Variants in FAM185A observed in about 807,000 individuals in gnomAD.
FAM185A encodes the protein protein FAM185A.
FAM185A carries 21 observed loss-of-function variants against 45.7 expected under a neutral mutation model. That is an observed-to-expected ratio of 0.46 (90% confidence interval 0.33 to 0.66). The LOEUF (loss-of-function observed/expected upper bound fraction) is 0.66. Ranked by LOEUF, FAM185A falls within the 30% of genes least tolerant of loss-of-function variation. The pLI is 0.03. For synonymous variants in FAM185A, 117 were observed against 194.0 expected, an observed-to-expected ratio of 0.60 and a Z score of 3.30; for missense variants, 305 against 485.4, an observed-to-expected ratio of 0.63 and a Z score of 3.49.
chr7:102,763,641 G>A (rs1003094904), intron 4 of FAM185A, among the ~76,000 whole-genome samples: 1 of 152,196 alleles, frequency 6.6e-6, no homozygotes, highest in African/African-American at 2.4e-5. Context: ...CCAGGAAGGA[G>A]TATGATCTTG....
chr7:102,840,605 C>A, the FAM185A span, among the ~76,000 whole-genome samples: 3 of 152,200 alleles, frequency 2.0e-5, no homozygotes, highest in Non-Finnish European at 4.4e-5. Context: ...CCTATGACCT[C>A]TTCCATTTAA....
At chr7:102,804,201 A>G (rs954918349) in intron 7 of FAM185A, among the ~76,000 whole-genome samples, 7 of 152,196 alleles carry the variant, frequency 4.6e-5, no homozygotes, top group African/African-American at 7.2e-5. Flanking sequence ...TTCATATGGA[A>G]CCAAAAAAGA....
chr7:102,813,477 A>G (rs2129444490), downstream of FAM185A: 4 of 1,614,148 alleles, frequency 2.5e-6, no homozygotes, highest in Middle Eastern at 1.6e-4. Context: ...GTGGAGGGTC[A>G]TTAGTGTTGT....
downstream of FAM185A, among the ~76,000 whole-genome samples, chr7:102,809,994 T>A (rs530427547): frequency 3.9e-4 from 59 of 152,256 alleles, no homozygotes; most frequent in African/African-American, 1.3e-3. Context: ...TCTTGCCATG[T>A]GATGTGCCTG....
chr7:102,775,659 T>C (rs963044744), intron 5 of FAM185A, among the ~76,000 whole-genome samples: 3 of 152,190 alleles, frequency 2.0e-5, no homozygotes, highest in African/African-American at 7.2e-5. Flanking sequence ...AAATTGTGTG[T>C]GTTTTTTTTC....
At chr7:102,843,619 A>C in the FAM185A span, among the ~76,000 whole-genome samples, 1 of 152,134 alleles carries the variant, frequency 6.6e-6, no homozygotes, top group South Asian at 2.1e-4. Flanking sequence ...TACGAAAAAT[A>C]CAAAAAATTA....
intron 7 of FAM185A, among the ~76,000 whole-genome samples, chr7:102,807,369 T>G (rs1279995906): frequency 1.3e-5 from 2 of 152,182 alleles, no homozygotes; most frequent in African/African-American, 4.8e-5. Context: ...ATCTTGTCAG[T>G]TATACTCCAG....
At chr7:102,756,771 G>T (rs1178337867) in intron 2 of FAM185A, among the ~76,000 whole-genome samples, 4 of 139,308 alleles carry the variant, frequency 2.9e-5, no homozygotes, top group African/African-American at 1.1e-4. Context: ...GTGATTCTAG[G>T]TTCCTTCCGT....
intron 6 of FAM185A, among the ~76,000 whole-genome samples, chr7:102,782,105 GAAT>G (rs1285050309): frequency 2.6e-5 from 4 of 152,088 alleles, no homozygotes; most frequent in Admixed American, 2.0e-4. Context: ...AGAGAAAAAA[GAAT>G]AAAAAGAAAT....
In FAM185A at chr7:102,798,415, A is replaced by G. The variant is rs141815540; in HGVS notation, c.1067-9875A>G. On this transcript the variant is annotated intron_variant, in intron 7 of 7. Transcript: ENST00000413034. Reference sequence around the variant, plus strand: ...TTTCAAGCAACCTAGATGGAATTTTATAAACTGTCCTCCCTTTTGAGTATT... The same window carrying G: ...TTTCAAGCAACCTAGATGGAATTTTGTAAACTGTCCTCCCTTTTGAGTATT... Among the ~76,000 whole-genome samples the G allele has an allele frequency of 6.6e-3, 1,005 of 152,342 alleles. 7 individuals are homozygous for G. Among genetic ancestry groups the G allele is most frequent in the African/African-American group, 0.023 (970 of 41,582 alleles).
chr7:102,830,988 A>T, the FAM185A span, among the ~76,000 whole-genome samples: 4,435 of 152,282 alleles, frequency 0.029, 187 homozygotes, highest in East Asian at 0.16. Context: ...TCGGAAGGTC[A>T]GAGTACACGC....
intron 7 of FAM185A, among the ~76,000 whole-genome samples, chr7:102,793,597 T>A (rs1283139264): frequency 2.0e-5 from 3 of 152,096 alleles, no homozygotes; most frequent in Non-Finnish European, 4.4e-5. Flanking sequence ...ATGTTGTTAA[T>A]GTTTGCCCCA....
chr7:102,784,287 CTA>C (rs1795625364), intron 6 of FAM185A, among the ~76,000 whole-genome samples: 1 of 151,718 alleles, frequency 6.6e-6, no homozygotes, highest in Non-Finnish European at 1.5e-5. Context: ...CCTTCTGAAA[CTA>C]TTCCAATCAA....
chr7:102,755,748 T>C, intron 2 of FAM185A: 2 of 576,022 alleles, frequency 3.5e-6, no homozygotes, highest in Non-Finnish European at 6.3e-6. Flanking sequence ...CACTGTCGAC[T>C]TCACACAGGT....
At chr7:102,824,717 C>A in the FAM185A span, among the ~76,000 whole-genome samples, 2 of 151,516 alleles carry the variant, frequency 1.3e-5, no homozygotes, top group South Asian at 4.2e-4. Context: ...AACTGATGAC[C>A]TCAAGTGATC....
At chr7:102,754,097 G>A (rs527983114) in intron 2 of FAM185A, among the ~76,000 whole-genome samples, 48 of 152,312 alleles carry the variant, frequency 3.2e-4, no homozygotes, top group African/African-American at 1.1e-3. Context: ...TAAGTTTTAA[G>A]TATCGTACAA....
intron 7 of FAM185A, among the ~76,000 whole-genome samples, chr7:102,800,121 T>C (rs1173876510): frequency 6.6e-6 from 1 of 152,162 alleles, no homozygotes; most frequent in Admixed American, 6.6e-5. Context: ...CCTGGTAGAC[T>C]TGCTGGGTGG....
chr7:102,802,615 C>T (rs188308526), intron 7 of FAM185A, among the ~76,000 whole-genome samples: 3 of 152,286 alleles, frequency 2.0e-5, no homozygotes, highest in East Asian at 3.9e-4. Flanking sequence ...CACAAACTGA[C>T]ATTCTAAGGT....
chr7:102,783,653 A>C (rs1795566642), intron 6 of FAM185A, among the ~76,000 whole-genome samples: 1 of 152,070 alleles, frequency 6.6e-6, no homozygotes, highest in Admixed American at 6.5e-5. Context: ...AAGATACCAG[A>C]ATCTCTGGTA....
Sources: gnomAD v4.1 joint callset for allele counts (sites outside exome capture counted in the v4.1 genomes callset) on GRCh38, gnomAD v4.1.1 for gene constraint, MANE v1.5 for transcripts, NCBI Gene and HGNC (gene_info 2026-07-23, HGNC 2026-07-21) for gene names.